TRIM4: variants seen among roughly 807,000 people sequenced by gnomAD.
The protein encoded by TRIM4 is E3 ubiquitin-protein ligase TRIM4.
A neutral mutation model predicts 33.7 loss-of-function variants in TRIM4; 29 were observed. The observed-to-expected ratio is 0.86, with a 90% CI of 0.64 to 1.17. The LOEUF (loss-of-function observed/expected upper bound fraction) is 1.17. Among genes scored for constraint, TRIM4 ranks in the 50% most tolerant of loss-of-function variants. The pLI is 0.00. For synonymous variants in TRIM4, 224 were observed against 233.0 expected (o/e 0.96, Z 0.35); for missense variants, 554 against 593.7 (o/e 0.93, Z 0.69).
intron 1 of TRIM4, among the ~76,000 whole-genome samples, chr7:99,915,487 A>G (rs1278457624): frequency 1.3e-5 from 2 of 152,140 alleles, no homozygotes; most frequent in Non-Finnish European, 2.9e-5. Flanking sequence ...CATAACGGGT[A>G]TAGGATGGGG....
intron 1 of TRIM4, among the ~76,000 whole-genome samples, chr7:99,913,495 C>T (rs533068290): frequency 2.6e-5 from 4 of 151,998 alleles, no homozygotes; most frequent in East Asian, 1.9e-4. Flanking sequence ...GGTGAAACCC[C>T]GTCTTTACTA....
At chr7:99,895,547 T>C (rs1261949495) in intron 5 of TRIM4, among the ~76,000 whole-genome samples, 1 of 152,322 alleles carries the variant, frequency 6.6e-6, no homozygotes, top group African/African-American at 2.4e-5. Context: ...GTTCTATAAA[T>C]AATGGGATCA....
intron 1 of TRIM4, among the ~76,000 whole-genome samples, chr7:99,914,961 C>G (rs890311044): frequency 6.6e-6 from 1 of 152,056 alleles, no homozygotes; most frequent in Non-Finnish European, 1.5e-5. Flanking sequence ...AGGTGCCCAC[C>G]GCCGCACCTA....
chr7:99,909,696 T>A, intron 1 of TRIM4, 36 bp from the exon 2 acceptor site: 14 of 1,221,972 alleles, frequency 1.1e-5, no homozygotes, highest in Non-Finnish European at 1.3e-5. Context: ...AGAAAACACA[T>A]CTCCAACCAT....
At chr7:99,913,700 T>A (rs1819494674) in intron 1 of TRIM4, among the ~76,000 whole-genome samples, 1 of 138,068 alleles carries the variant, frequency 7.2e-6, no homozygotes, top group South Asian at 2.4e-4. Context: ...TAAATAAAAA[T>A]AATAATTTTT....
intron 2 of TRIM4, among the ~76,000 whole-genome samples, chr7:99,909,268 C>T (rs1006280208): frequency 7.9e-5 from 12 of 151,884 alleles, no homozygotes; most frequent in African/African-American, 2.9e-4. Context: ...AGGGGTGCTA[C>T]CTTAAAGTAG....
chr7:99,903,108 T>C (rs529886676), intron 5 of TRIM4, 110 bp downstream of exon 5: 9 of 790,244 alleles, frequency 1.1e-5, no homozygotes, highest in Non-Finnish European at 1.4e-5. Context: ...CCACCTTTCC[T>C]GACACTCTAT....
chr7:99,918,755 A>G (rs1334960568), intron 1 of TRIM4, among the ~76,000 whole-genome samples: 1 of 152,118 alleles, frequency 6.6e-6, no homozygotes, highest in Non-Finnish European at 1.5e-5. Flanking sequence ...GTTTTTCTTT[A>G]TTATGAGCTC....
chr7:99,894,919 C>A (rs1318046197), intron 5 of TRIM4, among the ~76,000 whole-genome samples: 2 of 152,060 alleles, frequency 1.3e-5, no homozygotes, highest in South Asian at 2.1e-4. Context: ...AATGATGTCA[C>A]CTTTCTCATT....
At chr7:99,901,272 T>C (rs1255469168) in intron 5 of TRIM4, 2 of 152,236 alleles carry the variant, frequency 1.3e-5, no homozygotes, top group African/African-American at 4.8e-5. Context: ...ACATTTTTCA[T>C]CTTTAAAACT....
At chr7:99,897,918 C>T (rs544718063) in intron 5 of TRIM4, among the ~76,000 whole-genome samples, 9 of 152,352 alleles carry the variant, frequency 5.9e-5, no homozygotes, top group Non-Finnish European at 1.0e-4. Flanking sequence ...ACCCACTAAA[C>T]ATCTCACCTG....
Position 99,890,893 on chromosome 7 carries a change from C to T in TRIM4, c.*1270G>A, listed in dbSNP as rs1218809234. On this transcript the variant is annotated 3_prime_UTR_variant, in exon 6 of 6. Coordinates refer to ENST00000349062, the MANE Select transcript of TRIM4 (RefSeq NM_033091.3). ...AAAATATAAGTTAAAATAAAATCCT[C>T]GTTAAATCACTGCCTGAAAGTCTTT... 2 of 152,170 alleles carry T rather than the reference C, an allele frequency of 1.3e-5. No individual in the cohort carries two copies. The highest frequency in any genetic ancestry group is 2.4e-5 in the African/African-American group (1 of 41,434). The allele number at this position is 152,170 out of a possible 1,614,324, so 9.4% of individuals were successfully genotyped here.
In TRIM4 at chr7:99,919,121, A is replaced by T. The variant is rs569583297; in HGVS notation, c.281T>A (p.Leu94Gln). The T allele has an allele frequency of 2.1e-5, 32 of 1,518,874 alleles. No homozygotes were observed. In the East Asian group the frequency reaches 8.1e-4, roughly 38 times the overall value. 94.1% of individuals were successfully genotyped at this position (1,518,874 alleles called of 1,614,324 possible). A position where few individuals can be genotyped will look rare whatever the true frequency, so the allele number is the denominator to read the frequency against. ...CTGGTCGTCCTCGCAGAAGAGCCGC[A>T]GCGGCTCCCAGTGGCGGCCGCACAG... The part of the protein sequence containing the change: ...PGLCGRHWEP[L>Q]RLFCEDDQRP... The change falls in exon 1 of 6, where the codon CTG (leucine) becomes CAG (glutamine). Residue 94 changes from leucine to glutamine, a missense_variant. Physicochemically the swap from Leu to Gln is moderately radical, Grantham distance 113 (BLOSUM62 -2). Transcript: ENST00000349062.
chr7:99,901,729 C>A, intron 5 of TRIM4: 1 of 178,558 alleles, frequency 5.6e-6, no homozygotes, highest in Non-Finnish European at 1.2e-5. Context: ...CTGTTCCTGG[C>A]CCTGTGTGAG....
At chr7:99,913,423 C>T (rs969125378) in intron 1 of TRIM4, among the ~76,000 whole-genome samples, 1 of 152,114 alleles carries the variant, frequency 6.6e-6, no homozygotes, top group Non-Finnish European at 1.5e-5. Flanking sequence ...AATCCCAGCA[C>T]TTTGGGAGGC....
At chr7:99,915,047 G>A (rs1357181539) in intron 1 of TRIM4, among the ~76,000 whole-genome samples, 1 of 151,882 alleles carries the variant, frequency 6.6e-6, no homozygotes, top group Non-Finnish European at 1.5e-5. Flanking sequence ...TGACCTCAAG[G>A]GATCCTCGCG....
At chr7:99,895,069 T>C (rs957833071) in intron 5 of TRIM4, among the ~76,000 whole-genome samples, 9 of 152,254 alleles carry the variant, frequency 5.9e-5, no homozygotes, top group Non-Finnish European at 1.3e-4. Flanking sequence ...CAATGATTTC[T>C]GCTCTGATTT....
intron 1 of TRIM4, chr7:99,916,754 T>C (rs766007111): frequency 2.3e-5 from 18 of 780,946 alleles, no homozygotes; most frequent in South Asian, 2.7e-5. Flanking sequence ...CTTCCATTCA[T>C]CCACGTGGAT....
rs556546583 is a variant in TRIM4 at position 99,890,648 on chromosome 7, G to A, written c.*1515C>T. 8 of 152,236 alleles carry A rather than the reference G, an allele frequency of 5.3e-5. No homozygotes were observed. Among genetic ancestry groups the A allele is most frequent in the East Asian group, 1.9e-4 (1 of 5,180 alleles). 9.4% of individuals were successfully genotyped at this position (152,236 alleles called of 1,614,324 possible). A position where few individuals can be genotyped will look rare whatever the true frequency, so the allele number is the denominator to read the frequency against. ...AAAACCAAACATCACATGTTCTCAC[G>A]TATAAGGGAGAGCTAAACATTGAGT... On this transcript the variant is annotated 3_prime_UTR_variant, in exon 6 of 6. Coordinates refer to ENST00000349062, the MANE Select transcript of TRIM4 (RefSeq NM_033091.3).
Sources: gnomAD v4.1 joint callset for allele counts (sites outside exome capture counted in the v4.1 genomes callset) on GRCh38, gnomAD v4.1.1 for gene constraint, MANE v1.5 for transcripts, NCBI Gene and HGNC (gene_info 2026-07-23, HGNC 2026-07-21) for gene names.